Variants in ZNF519 observed in about 807,000 individuals in gnomAD.
The protein encoded by ZNF519 is similar to Zinc finger protein 85 (Zinc finger protein HPF4) (HTF1).
In ZNF519, 7 loss-of-function variants were observed where a neutral mutation model predicts 7.4. The ratio of observed to expected loss-of-function variants is 0.94; its 90% CI spans 0.54 to 1.77. The LOEUF is 1.77. ZNF519 is among the 40% of genes most tolerant of loss of function. The pLI is 0.00. For synonymous variants in ZNF519, 179 were observed against 203.3 expected (o/e 0.88, Z 1.02); for missense variants, 586 against 623.1 (o/e 0.94, Z 0.63).
At chr18:14,076,940 G>C (rs2046050044) in exon 5 of ZNF519, 1 of 152,112 alleles carries the variant, frequency 6.6e-6, no homozygotes, top group Non-Finnish European at 1.5e-5. Context: ...AAACTCCATA[G>C]TTACTACTTC....
chr18:14,114,516 T>C (rs1353403028), intron 2 of ZNF519, among the ~76,000 whole-genome samples: 1 of 152,222 alleles, frequency 6.6e-6, no homozygotes, highest in Non-Finnish European at 1.5e-5. Flanking sequence ...TTAATTACTA[T>C]AGCTCTGTAG....
At chr18:14,107,359 G>A (rs1394071065) in intron 2 of ZNF519, among the ~76,000 whole-genome samples, 1 of 152,162 alleles carries the variant, frequency 6.6e-6, no homozygotes, top group Non-Finnish European at 1.5e-5. Flanking sequence ...TGCCTTGAAT[G>A]AAAAATTTTG....
intron 2 of ZNF519, among the ~76,000 whole-genome samples, chr18:14,120,300 G>A (rs1044684558): frequency 2.6e-5 from 4 of 152,086 alleles, no homozygotes; most frequent in African/African-American, 9.7e-5. Context: ...AATGCAGAAA[G>A]TATAGTCTTG....
intron 2 of ZNF519, among the ~76,000 whole-genome samples, chr18:14,110,945 A>G (rs958562402): frequency 6.6e-6 from 1 of 152,158 alleles, no homozygotes; most frequent in African/African-American, 2.4e-5. Context: ...TACAGTGTAC[A>G]CTGCTCGGGT....
downstream of ZNF519, chr18:14,075,541 G>A (rs1354629374): frequency 6.6e-6 from 1 of 152,232 alleles, no homozygotes; most frequent in Non-Finnish European, 1.5e-5. Flanking sequence ...CCCAAAAGCA[G>A]GCATTCTCTG....
chr18:14,115,098 T>C (rs2046239527), intron 2 of ZNF519, among the ~76,000 whole-genome samples: 2 of 152,210 alleles, frequency 1.3e-5, no homozygotes, highest in South Asian at 4.1e-4. Context: ...AGTTAAGAAT[T>C]TGTACTACTT....
rs146305619 is a variant in ZNF519, at chr18:14,127,921, C to T, written c.4-3445G>A. Among the ~76,000 whole-genome samples, 131 of 151,524 alleles carry T rather than the reference C, an allele frequency of 8.6e-4. 1 individual carries two copies. Among genetic ancestry groups the T allele is most frequent in the Middle Eastern group, 6.8e-3 (2 of 294 alleles). On this transcript the variant is annotated intron_variant, in intron 1 of 2. Transcript: ENST00000590202. Reference sequence around the variant, plus strand: ...CCTCTAAAGTGAAGCCTGGTGGGCACCTTGTGTATAACATCTAGTAATGCT... The same window carrying T: ...CCTCTAAAGTGAAGCCTGGTGGGCATCTTGTGTATAACATCTAGTAATGCT...
chr18:14,088,826 A>G (rs1264676280), intron 2 of ZNF519, among the ~76,000 whole-genome samples: 14 of 152,202 alleles, frequency 9.2e-5, no homozygotes, highest in Admixed American at 9.2e-4. Flanking sequence ...CTGCTACAGC[A>G]CATACTTAAG....
downstream of ZNF519, among the ~76,000 whole-genome samples, chr18:14,096,615 G>C (rs925330659): frequency 6.6e-6 from 1 of 152,098 alleles, no homozygotes; most frequent in African/African-American, 2.4e-5. Flanking sequence ...ACCTGGGCTT[G>C]AGCAATCCTC....
chr18:14,073,945 G>C (rs762611075), downstream of ZNF519: 8 of 152,128 alleles, frequency 5.3e-5, no homozygotes, highest in Non-Finnish European at 1.0e-4. Context: ...CTAATTTCTT[G>C]AAAATACTTC....
At chr18:14,129,732 A>AT (rs1443298232) in intron 1 of ZNF519, among the ~76,000 whole-genome samples, 1 of 152,204 alleles carries the variant, frequency 6.6e-6, no homozygotes, top group Admixed American at 6.5e-5. Flanking sequence ...GCTAAGTCCC[A>AT]TAACACTGTC....
chr18:14,125,425 G>T (rs1388231401), intron 1 of ZNF519, among the ~76,000 whole-genome samples: 1 of 152,206 alleles, frequency 6.6e-6, no homozygotes, highest in Non-Finnish European at 1.5e-5. Context: ...GGTTTCTGTA[G>T]AGGTGGGTAC....
At chr18:14,115,884 G>GAAC (rs2143148358) in intron 2 of ZNF519, among the ~76,000 whole-genome samples, 1 of 152,286 alleles carries the variant, frequency 6.6e-6, no homozygotes, top group South Asian at 2.1e-4. Context: ...ACTGAACTGT[G>GAAC]TCAGGGGCTA....
chr18:14,084,326 C>T (rs1473253929), intron 3 of ZNF519: 2 of 152,208 alleles, frequency 1.3e-5, no homozygotes, highest in African/African-American at 4.8e-5. Context: ...CAAATCAACA[C>T]ACTACTTCCT....
intron 2 of ZNF519, among the ~76,000 whole-genome samples, chr18:14,110,341 A>T (rs1456316054): frequency 2.6e-5 from 4 of 152,168 alleles, no homozygotes; most frequent in Admixed American, 6.5e-5. Context: ...ACAAACATAA[A>T]CAAATGGGAC....
At chr18:14,129,830 T>G (rs1042085358) in intron 1 of ZNF519, among the ~76,000 whole-genome samples, 7 of 151,144 alleles carry the variant, frequency 4.6e-5, no homozygotes, top group African/African-American at 1.7e-4. Flanking sequence ...CACATTCCCC[T>G]CCTCAAGCTC....
intron 1 of ZNF519, among the ~76,000 whole-genome samples, chr18:14,124,852 T>C (rs1355565798): frequency 1.3e-5 from 2 of 152,236 alleles, no homozygotes; most frequent in Non-Finnish European, 2.9e-5. Context: ...TGTTTTCACC[T>C]AGAACAATAG....
chr18:14,071,934 A>C (rs1412310201), downstream of ZNF519: 2 of 152,192 alleles, frequency 1.3e-5, no homozygotes, highest in East Asian at 3.8e-4. Context: ...TGCCAAGAAA[A>C]GTTATTGACA....
chr18:14,126,425 A>G (rs563133339), intron 1 of ZNF519, among the ~76,000 whole-genome samples: 1 of 152,354 alleles, frequency 6.6e-6, no homozygotes, highest in Non-Finnish European at 1.5e-5. Flanking sequence ...AATACAAATA[A>G]TAACTTCTCT....
Sources: gnomAD v4.1 joint callset for allele counts (sites outside exome capture counted in the v4.1 genomes callset) on GRCh38, gnomAD v4.1.1 for gene constraint, MANE v1.5 for transcripts, NCBI Gene and HGNC (gene_info 2026-07-23, HGNC 2026-07-21) for gene names.